CPNE9: variants seen among roughly 807,000 people sequenced by gnomAD.
The protein encoded by CPNE9 is copine family member 9.
A neutral mutation model predicts 83.0 loss-of-function variants in CPNE9; 59 were observed. The observed-to-expected ratio is 0.71, with a 90% CI of 0.58 to 0.88. CPNE9 has a LOEUF of 0.88. CPNE9 is among the 40% of genes least tolerant of loss of function. CPNE9 has a pLI of 0.00. For missense variants in CPNE9, 619 were observed against 720.8 expected (o/e 0.86, Z 1.62); for synonymous variants, 256 against 273.4 (o/e 0.94, Z 0.63).
In CPNE9 at chr3:9,704,265, G is replaced by C. The variant is rs1004331630; in HGVS notation, c.68+201G>C. On this transcript the variant is annotated intron_variant, in intron 1 of 20. Coordinates refer to ENST00000383832, the MANE Select transcript of CPNE9 (RefSeq NM_153635.3). The surrounding 1 kb of genome is among the most constrained non-coding windows in gnomAD (Gnocchi z 7.1). ...AGCCCCACCCCGAAAAAAGGGCTCA[G>C]CCTGCGGGTTCAGGGGGTGGGTCGC... 6.6e-6 allele frequency among the ~76,000 whole-genome samples: 1 copy of C among 152,222 alleles called. No individual in the cohort carries two copies. Among genetic ancestry groups the C allele is most frequent in the East Asian group, 1.9e-4 (1 of 5,190 alleles).
intron 17 of CPNE9, among the ~76,000 whole-genome samples, chr3:9,721,850 C>T (rs1021566430): frequency 6.6e-6 from 1 of 152,128 alleles, no homozygotes; most frequent in Non-Finnish European, 1.5e-5. Flanking sequence ...TTCATAACCC[C>T]TTGGGGATGT....
At chr3:9,725,064 C>T (rs2076765510) in intron 17 of CPNE9, among the ~76,000 whole-genome samples, 1 of 152,062 alleles carries the variant, frequency 6.6e-6, no homozygotes, top group Non-Finnish European at 1.5e-5. Flanking sequence ...GCCAGGATCC[C>T]CTCTGGTACC....
At position 9,726,054 on chromosome 3, in the gene CPNE9, G is replaced by C; in HGVS notation, c.1344+3G>C. 1 of 1,577,392 alleles carries C rather than the reference G, an allele frequency of 6.3e-7. No homozygotes were observed. The highest frequency in any genetic ancestry group is 8.7e-7 in the Non-Finnish European group (1 of 1,156,030). ...AGACCAAGGAGGCCATCGTCAGCGTGAGTCTGAGGAGGAGGGCTTGGCAGG... is the reference window on the plus strand; with the variant it reads ...AGACCAAGGAGGCCATCGTCAGCGTCAGTCTGAGGAGGAGGGCTTGGCAGG... On this transcript the variant is annotated splice_donor_region_variant and intron_variant, in intron 18 of 20. Coordinates refer to ENST00000383832, the MANE Select transcript of CPNE9 (RefSeq NM_153635.3).
At chr3:9,729,454 C>T in intron 20 of CPNE9, 53 bp from the exon 21 acceptor site, 1 of 1,548,540 alleles carries the variant, frequency 6.5e-7, no homozygotes, top group Non-Finnish European at 8.8e-7. Context: ...GCTGCACCCC[C>T]ATGCCCTCTC....
Position 9,704,111 on chromosome 3 carries a change from G to A in CPNE9, c.68+47G>A. ...GGGCTTAGGCACTGGCACTGCCCCA[G>A]CCCCAGCCAGCCGCGGGGCTCAGCC... is the stretch of plus-strand genomic sequence containing the variant. On this transcript the variant is annotated intron_variant, in intron 1 of 20. Transcript: ENST00000383832. The surrounding 1 kb of genome is among the most constrained non-coding windows in gnomAD (Gnocchi z 7.1). 1.3e-6 allele frequency: 2 copies of A among 1,548,140 alleles called. No homozygotes were observed. The highest frequency in any genetic ancestry group is 8.8e-7 in the Non-Finnish European group (1 of 1,140,628).
At position 9,712,544 on chromosome 3, in the gene CPNE9, T is replaced by C. The variant is rs928374631; in HGVS notation, c.381T>C (p.Gly127=). 1 of 1,613,980 alleles carries C rather than the reference T, an allele frequency of 6.2e-7. No homozygotes were observed. Among genetic ancestry groups the C allele is most frequent in the African/African-American group, 1.3e-5 (1 of 74,998 alleles). ...AAGAGGCTTTTTCTGCTTCCAGGGG[T>C]GTACCAGGCAAGAAGTGTGGGACCA... The part of the protein sequence containing the change: ...QGSRVERTLT[G]VPGKKCGTIL... Residue 127 remains glycine, a synonymous_variant, in exon 8 of 21, where the codon GGT becomes GGC. Transcript: ENST00000383832.
intron 16 of CPNE9, 36 bp downstream of exon 16, chr3:9,718,246 G>T: frequency 6.4e-7 from 1 of 1,560,206 alleles, no homozygotes; most frequent in East Asian, 2.3e-5. Flanking sequence ...TCCGTGCCCT[G>T]GCATCTGGTT....
intron 7 of CPNE9, among the ~76,000 whole-genome samples, chr3:9,708,733 C>G (rs917219046): frequency 6.6e-6 from 1 of 151,600 alleles, no homozygotes; most frequent in Non-Finnish European, 1.5e-5. Flanking sequence ...CCCGGGTTCA[C>G]GCCATTCTCC....
At position 9,726,001 on chromosome 3, in the gene CPNE9, A is replaced by G. The variant is rs764930518; in HGVS notation, c.1294A>G (p.Thr432Ala). Reference sequence around the variant, plus strand: ...CCAGTACTATGTTCTGCTCATCATCACTGATGGGGTCATCTCTGACATGAC... The same window carrying G: ...CCAGTACTATGTTCTGCTCATCATCGCTGATGGGGTCATCTCTGACATGAC... ...GSQYYVLLIITDGVISDMTQT... is the reference protein window; with the variant it reads ...GSQYYVLLIIADGVISDMTQT... Residue 432 changes from threonine (T) to alanine (A), a missense_variant, in exon 18 of 21, where the codon ACT (threonine) becomes GCT (alanine). Transcript: ENST00000383832. 1.9e-6 allele frequency: 3 copies of G among 1,612,426 alleles called. 1 individual carries two copies. The South Asian group carries it at 3.3e-5, about 18-fold the overall frequency.
rs189522277 is a variant in CPNE9, at chr3:9,719,939, C to T, written c.1241+1337C>T. 2.4e-3 allele frequency among the ~76,000 whole-genome samples: 362 copies of T among 150,798 alleles called. 5 individuals are homozygous for T. Among genetic ancestry groups the T allele is most frequent in the African/African-American group, 8.2e-3 (335 of 41,038 alleles). Reference sequence around the variant, plus strand: ...CTGGGAGGCAGAGGGTGCAGTGAGCCGAGATCACACCACTGCACTCCAACC... The same window carrying T: ...CTGGGAGGCAGAGGGTGCAGTGAGCTGAGATCACACCACTGCACTCCAACC... On this transcript the variant is annotated intron_variant, in intron 17 of 20. Coordinates refer to ENST00000383832, the MANE Select transcript of CPNE9 (RefSeq NM_153635.3).
chr3:9,704,592 T>C lies in CPNE9; in HGVS notation c.74T>C (p.Leu25Pro), dbSNP rs1285341988. ...KIEITVSCRN[L>P]LDLDTFSKSD... ...TGTCTGTTGCTTTTCTCTAGGAACC[T>C]GCTAGACCTTGATACCTTCTCCAAG... Residue 25 changes from leucine (L) to proline (P), a missense_variant, in exon 2 of 21, where the codon CTG becomes CCG. Leu to Pro is a moderately conservative substitution (Grantham distance 98, BLOSUM62 -3). Transcript: ENST00000383832. The surrounding 1 kb of genome is among the most constrained non-coding windows in gnomAD (Gnocchi z 7.1). 6.2e-7 allele frequency: 1 copy of C among 1,613,752 alleles called. No homozygotes were observed. Among genetic ancestry groups the C allele is most frequent in the Non-Finnish European group, 8.5e-7 (1 of 1,179,696 alleles).
chr3:9,712,040 A>G (rs2076635052), intron 7 of CPNE9, among the ~76,000 whole-genome samples: 1 of 152,154 alleles, frequency 6.6e-6, no homozygotes, highest in South Asian at 2.1e-4. Context: ...AGCCGGAGAG[A>G]GCCAGTTGCC....
At chr3:9,714,021 C>T (rs948861837) in intron 10 of CPNE9, among the ~76,000 whole-genome samples, 2 of 151,782 alleles carry the variant, frequency 1.3e-5, no homozygotes, top group Non-Finnish European at 2.9e-5. Context: ...TACAGTGAGC[C>T]GAGATCACGC....
Position 9,704,519 on chromosome 3 carries a change from C to T in CPNE9, c.69-68C>T. The T allele has an allele frequency of 7.2e-7, 1 of 1,388,264 alleles. No homozygotes were observed. Among genetic ancestry groups the T allele is most frequent in the Non-Finnish European group, 1.0e-6 (1 of 973,804 alleles). 86.0% of individuals were successfully genotyped at this position (1,388,264 alleles called of 1,614,324 possible). Reference sequence around the variant, plus strand: ...CCCCATGCCTCTCCTCAGTGCCCGGCTCAGAGCCGACTCGAGGCGGGCGGA... The same window carrying T: ...CCCCATGCCTCTCCTCAGTGCCCGGTTCAGAGCCGACTCGAGGCGGGCGGA... On this transcript the variant is annotated intron_variant, in intron 1 of 20. Transcript: ENST00000383832. This position sits in a 1 kb window ranked among gnomAD's most constrained non-coding sequence, Gnocchi z 7.1.
intron 13 of CPNE9, 59 bp from the exon 14 acceptor site, chr3:9,715,915 C>T: frequency 1.4e-6 from 2 of 1,442,302 alleles, no homozygotes; most frequent in Middle Eastern, 2.0e-4. Context: ...GGCCTCACTT[C>T]CTTCTGCCAC....
chr3:9,709,108 T>C (rs2076596119), intron 7 of CPNE9, among the ~76,000 whole-genome samples: 1 of 149,480 alleles, frequency 6.7e-6, no homozygotes, highest in South Asian at 2.2e-4. Flanking sequence ...ATCCCATCTC[T>C]ACTAAAAATA....
chr3:9,714,883 A>G, intron 10 of CPNE9, 31 bp from the exon 11 acceptor site: 1 of 1,601,818 alleles, frequency 6.2e-7, no homozygotes. Context: ...TATCATACAC[A>G]CCTAGGGTAT....
intron 7 of CPNE9, among the ~76,000 whole-genome samples, chr3:9,709,072 C>A (rs1258782222): frequency 6.6e-6 from 1 of 150,834 alleles, no homozygotes; most frequent in Non-Finnish European, 1.5e-5. Context: ...TCCAGAGTTC[C>A]AGACCAGCCT....
At chr3:9,720,558 T>A (rs1242469830) in intron 17 of CPNE9, among the ~76,000 whole-genome samples, 2 of 152,200 alleles carry the variant, frequency 1.3e-5, no homozygotes, top group African/African-American at 4.8e-5. Context: ...CCGTAGAAAG[T>A]TTCAATAGAG....
Sources: allele counts gnomAD v4.1 joint callset (sites outside exome capture counted in the v4.1 genomes callset), GRCh38; gene constraint gnomAD v4.1.1; non-coding constraint Gnocchi (gnomAD v3.1); transcripts MANE v1.5; gene names NCBI Gene and HGNC (gene_info 2026-07-23, HGNC 2026-07-21).